Variants in PSG8 observed in about 807,000 individuals in gnomAD.
PSG8 encodes the protein pregnancy specific beta-1-glycoprotein 8.
A neutral mutation model predicts 42.5 loss-of-function variants in PSG8; 57 were observed. That is an observed-to-expected ratio of 1.34 (90% CI 1.08 to 1.67). The LOEUF is 1.67. Among genes scored for constraint, PSG8 ranks in the 40% most tolerant of loss-of-function variants. The pLI, the probability that PSG8 is intolerant of heterozygous loss-of-function variation, is 0.00. For missense variants in PSG8, 783 were observed against 518.6 expected, an observed-to-expected ratio of 1.51 and a Z score of -4.95; for synonymous variants, 280 against 196.8, an observed-to-expected ratio of 1.42 and a Z score of -3.54.
intron 3 of PSG8, 142 bp from the exon 4 acceptor site, chr19:42,755,408 C>T (rs1969899375): frequency 1.6e-5 from 24 of 1,454,954 alleles, no homozygotes; most frequent in East Asian, 2.3e-5. Flanking sequence ...TGTCACAAGA[C>T]AGATGCATGA....
chr19:42,754,915 G>A, intron 4 of PSG8, 73 bp downstream of exon 4: 2 of 1,571,704 alleles, frequency 1.3e-6, no homozygotes, highest in Admixed American at 3.6e-5. Context: ...CAGAGAGAGA[G>A]TGAGAGGCCT....
In PSG8 at chr19:42,754,995, A is replaced by T. The variant is rs1969881608; in HGVS notation, c.981T>A (p.Asn327Lys). Residue 327 changes from asparagine to lysine, a missense_variant, in exon 4 of 5, where the codon AAT becomes AAA. Physicochemically the swap from Asn to Lys is moderately conservative, Grantham distance 94. Coordinates refer to ENST00000306511, the MANE Select transcript of PSG8 (RefSeq NM_182707.3). ...GGIRSYPVTL[N>K]VLYGPDLPRI... ...GGAACAAAAGATACTCACAGAGGAC[A>T]TTCAGGGTGACTGGGTAACTGCGGA... is the stretch of plus-strand genomic sequence containing the variant. 1 of 1,613,268 alleles carries T rather than the reference A, an allele frequency of 6.2e-7. No homozygotes were observed. Among genetic ancestry groups the T allele is most frequent in the Non-Finnish European group, 8.5e-7 (1 of 1,179,776 alleles).
chr19:42,763,873 A>G (rs1471422453), intron 2 of PSG8, 43 bp downstream of exon 2: 3 of 1,613,168 alleles, frequency 1.9e-6, no homozygotes, highest in East Asian at 4.5e-5. Flanking sequence ...AGTAGAAGTG[A>G]CCCCTGTCCC....
intron 3 of PSG8, among the ~76,000 whole-genome samples, chr19:42,757,045 A>G (rs913990284): frequency 2.6e-5 from 4 of 152,012 alleles, no homozygotes; most frequent in African/African-American, 9.7e-5. Context: ...GGGTATAATC[A>G]TTTGACTTTT....
At chr19:42,765,203 C>T (rs1295886397) in intron 1 of PSG8, among the ~76,000 whole-genome samples, 4 of 150,176 alleles carry the variant, frequency 2.7e-5, no homozygotes, top group East Asian at 2.0e-4. Context: ...CCCAGGCTGG[C>T]GTGCGATGGC....
rs577316370 is a variant in PSG8 at position 42,762,164 on chromosome 19, G to A, written c.430+1752C>T. ...GTGTCTGGGGAAGGCCTAGGGGTGG[G>A]GGAAGAAGCTGTGCAGGACAGGGCT... On this transcript the variant is annotated intron_variant, in intron 2 of 4. Transcript: ENST00000306511. 6.8e-4 allele frequency among the ~76,000 whole-genome samples: 103 copies of A among 151,844 alleles called. No homozygotes were observed. The East Asian group carries it at 0.015, about 22-fold the overall frequency.
At chr19:42,760,466 T>A (rs555343675) in intron 2 of PSG8, among the ~76,000 whole-genome samples, 12 of 152,212 alleles carry the variant, frequency 7.9e-5, no homozygotes, top group Non-Finnish European at 1.8e-4. Flanking sequence ...CCCACTCTTT[T>A]TGAACTTTCC....
intron 2 of PSG8, among the ~76,000 whole-genome samples, chr19:42,759,664 G>A (rs1210766201): frequency 6.6e-6 from 1 of 152,086 alleles, no homozygotes; most frequent in Admixed American, 6.5e-5. Flanking sequence ...TTGTAATACT[G>A]TAATTTTCCC....
rs556491317 is a variant in PSG8 at position 42,765,245 on chromosome 19, T to G, written c.64+273A>C. ...TCAGCTAGCTGCAACTTCTGCCTCC[T>G]GGGTTCACGTGATTCTTCTGCCTCA... On this transcript the variant is annotated intron_variant, in intron 1 of 4. Transcript: ENST00000306511. 7.9e-5 allele frequency among the ~76,000 whole-genome samples: 12 copies of G among 151,816 alleles called. No homozygotes were observed. In the South Asian group the frequency reaches 2.5e-3, roughly 32 times the overall value.
chr19:42,763,693 C>T lies in PSG8; in HGVS notation c.430+223G>A, dbSNP rs982924279. ...TGCTGAGTCCCCCCATCAGACTGTC[C>T]TTCCTCTGCAGCGAGTGTCTGCAGG... is the stretch of plus-strand genomic sequence containing the variant. On this transcript the variant is annotated intron_variant, in intron 2 of 4. Transcript: ENST00000306511. The T allele has an allele frequency of 5.8e-6, 5 of 856,666 alleles. No individual in the cohort carries two copies. The African/African-American group carries it at 8.4e-5, about 14-fold the overall frequency. The allele number at this position is 856,666 out of a possible 1,614,324, so 53.1% of individuals were successfully genotyped here. A position where few individuals can be genotyped will look rare whatever the true frequency, so the allele number is the denominator to read the frequency against.
At position 42,754,431 on chromosome 19, in the gene PSG8, G is replaced by A; in HGVS notation, c.1145C>T (p.Pro382Leu). The A allele has an allele frequency of 1.2e-6, 2 of 1,613,844 alleles. No homozygotes were observed. The highest frequency in any genetic ancestry group is 1.7e-6 in the Non-Finnish European group (2 of 1,179,834). The change falls in exon 5 of 5, where the codon CCC becomes CTC. Residue 382 changes from proline (P) to leucine (L), a missense_variant. By Grantham distance (98) the Pro-to-Leu change is moderately conservative. Transcript: ENST00000306511. ...CCCGCTATGCTTTGTAGTAATTTGGGGGATAAAGAGCTTTTGTCCTGATAG... is the reference window on the plus strand; with the variant it reads ...CCCGCTATGCTTTGTAGTAATTTGGAGGATAAAGAGCTTTTGTCCTGATAG... ...FQLSGQKLFI[P>L]QITTKHSGLY... is the part of the protein sequence containing the mutation.
At position 42,765,570 on chromosome 19, in the gene PSG8, G is replaced by A. The variant is rs1970197941; in HGVS notation, c.12C>T (p.Leu4=). The A allele has an allele frequency of 6.2e-7, 1 of 1,611,012 alleles. No homozygotes were observed. The highest frequency in any genetic ancestry group is 1.1e-5 in the South Asian group (1 of 91,056). Residue 4 remains leucine, a synonymous_variant, in exon 1 of 5, where the codon CTC becomes CTT. Coordinates refer to ENST00000306511, the MANE Select transcript of PSG8 (RefSeq NM_182707.3). MGL[L]SAPPCTQRIT... is the part of the protein sequence containing the mutation. ...TGCGCTGTGTGCAGGGAGGGGCTGA[G>A]AGGAGCCCCATGGTCTCTGCTGTCT...
At position 42,758,222 on chromosome 19, in the gene PSG8, C is replaced by T. The variant is rs781603858; in HGVS notation, c.489G>A (p.Glu163=). 1.9e-6 allele frequency: 3 copies of T among 1,614,038 alleles called. No individual in the cohort carries two copies. The highest frequency in any genetic ancestry group is 1.7e-5 in the Admixed American group (1 of 60,008). ...CAGGATCACAGGTTAAGCTCACAGC[C>T]TCCATGGCCTCCCTGGGGTTTAATT... ...SSKLNPREAM[E]AVSLTCDPET... The change falls in exon 3 of 5, where the codon GAG becomes GAA. Residue 163 remains glutamate, a synonymous_variant. Transcript: ENST00000306511.
In PSG8 at chr19:42,758,081, G is replaced by A. The variant is rs779209108; in HGVS notation, c.630C>T (p.Tyr210=). 64 of 1,613,926 alleles carry A rather than the reference G, an allele frequency of 4.0e-5. No individual in the cohort carries two copies. The highest frequency in any genetic ancestry group is 5.3e-5 in the Non-Finnish European group (62 of 1,179,964). Residue 210 remains tyrosine, a synonymous_variant, in exon 3 of 5, where the codon TAC becomes TAT. Coordinates refer to ENST00000306511, the MANE Select transcript of PSG8 (RefSeq NM_182707.3). ...TTTCACATTCATAGGGTCCTGCAGT[G>A]TACTTTGTGACACCCAATAGAAAGA... ...RTLFLLGVTK[Y]TAGPYECEIR... is the part of the protein sequence containing the mutation.
chr19:42,760,864 A>G (rs1160794799), intron 2 of PSG8, among the ~76,000 whole-genome samples: 2 of 152,294 alleles, frequency 1.3e-5, no homozygotes, highest in East Asian at 3.9e-4. Flanking sequence ...GGTGTGAGCC[A>G]CTGTGCCCAG....
Position 42,756,912 on chromosome 19 carries a change from G to A in PSG8, c.709+1090C>T, listed in dbSNP as rs370632504. Among the ~76,000 whole-genome samples the A allele has an allele frequency of 3.3e-5, 5 of 151,568 alleles. No homozygotes were observed. The East Asian group carries it at 5.8e-4, about 18-fold the overall frequency. On this transcript the variant is annotated intron_variant, in intron 3 of 4. Transcript: ENST00000306511. ...TTCTGTTAGGTGTTACATTGAATCC[G>A]CAACTCACTTTGGGAATATTATCTT...
At chr19:42,761,086 T>C (rs966402584) in intron 2 of PSG8, among the ~76,000 whole-genome samples, 1 of 152,108 alleles carries the variant, frequency 6.6e-6, no homozygotes, top group Admixed American at 6.6e-5. Context: ...ACTGCAGGCC[T>C]GTCCAGCCTC....
chr19:42,754,124 C>A, downstream of PSG8: 1 of 1,315,884 alleles, frequency 7.6e-7, no homozygotes, highest in Non-Finnish European at 1.0e-6. Context: ...CCTGCTTGGT[C>A]TAGGCTGGGA....
chr19:42,758,405 G>T (rs1280459258), intron 2 of PSG8, 125 bp from the exon 3 acceptor site: 2 of 1,518,798 alleles, frequency 1.3e-6, no homozygotes, highest in Admixed American at 2.1e-5. Flanking sequence ...CCCATGGCAG[G>T]TGTGTGTGTT....
Sources: allele counts gnomAD v4.1 joint callset (sites outside exome capture counted in the v4.1 genomes callset), GRCh38; gene constraint gnomAD v4.1.1; transcripts MANE v1.5; gene names NCBI Gene and HGNC (gene_info 2026-07-23, HGNC 2026-07-21).